Variants in SLC33A1 observed in about 807,000 individuals in gnomAD.
SLC33A1 encodes the protein acetyl-coenzyme A transporter 1.
A neutral mutation model predicts 50.0 loss-of-function variants in SLC33A1; 20 were observed. The ratio of observed to expected loss-of-function variants is 0.40; its 90% CI spans 0.28 to 0.58. The LOEUF is 0.58. Ranked by LOEUF, SLC33A1 falls within the 20% of genes least tolerant of loss-of-function variation. The pLI is 0.44. For synonymous variants in SLC33A1, 265 were observed against 251.8 expected (o/e 1.05, Z -0.50); for missense variants, 476 against 657.0 (o/e 0.72, Z 3.01).
chr3:155,824,716 C>A lies in SLC33A1; in HGVS notation c.*3494G>T, dbSNP rs1752164030. On this transcript the variant is annotated 3_prime_UTR_variant, in exon 6 of 6. Coordinates refer to ENST00000643144, the MANE Select transcript of SLC33A1 (RefSeq NM_004733.4). Reference sequence around the variant, plus strand: ...ACTTTCAAAACCATGATTTTTGGATCATGGCCCATCCAAGATTTTACTCTG... The same window carrying A: ...ACTTTCAAAACCATGATTTTTGGATAATGGCCCATCCAAGATTTTACTCTG... 6.6e-6 allele frequency: 1 copy of A among 151,912 alleles called. No individual in the cohort carries two copies. The allele number at this position is 151,912 out of a possible 1,614,324, so 9.4% of individuals were successfully genotyped here.
intron 2 of SLC33A1, among the ~76,000 whole-genome samples, chr3:155,838,101 C>T (rs1411556968): frequency 2.6e-5 from 4 of 151,786 alleles, no homozygotes; most frequent in African/African-American, 4.8e-5. Context: ...GTCGGGAGTT[C>T]GAGACTAGCC....
chr3:155,851,812 A>C (rs540661411), intron 1 of SLC33A1, among the ~76,000 whole-genome samples: 1 of 152,304 alleles, frequency 6.6e-6, no homozygotes, highest in South Asian at 2.1e-4. Flanking sequence ...CAAACAACTG[A>C]GGAAAAAGTA....
chr3:155,842,698 C>G (rs993486080), intron 1 of SLC33A1, 79 bp from the exon 2 acceptor site: 6 of 809,564 alleles, frequency 7.4e-6, no homozygotes, highest in Non-Finnish European at 1.1e-5. Context: ...TATACAATAA[C>G]TTTCAATTAA....
At chr3:155,847,257 C>T (rs922520126) in intron 1 of SLC33A1, among the ~76,000 whole-genome samples, 6 of 152,112 alleles carry the variant, frequency 3.9e-5, no homozygotes, top group Admixed American at 3.9e-4. Flanking sequence ...TGTAGGGTAA[C>T]ATTTTAAGCC....
chr3:155,840,042 T>TTC, intron 2 of SLC33A1, among the ~76,000 whole-genome samples: 1 of 151,790 alleles, frequency 6.6e-6, no homozygotes, highest in East Asian at 1.9e-4. Context: ...AAAAGGGAGT[T>TTC]TCAAAGGAAA....
chr3:155,841,894 C>T (rs865854927), intron 2 of SLC33A1, among the ~76,000 whole-genome samples: 3 of 151,972 alleles, frequency 2.0e-5, no homozygotes, highest in Non-Finnish European at 4.4e-5. Context: ...ACTAAAGGCA[C>T]GTGCCACCAT....
Position 155,832,773 on chromosome 3 carries a change from AC to A in SLC33A1, c.1266+694del, listed in dbSNP as rs975506623. On this transcript the variant is annotated intron_variant, in intron 4 of 5. Transcript: ENST00000643144. The stretch of plus-strand genomic sequence containing the variant: ...AGCAGAAGCTAAGCCAGAAACTAAG[AC>A]CAATACTATTTCTCAATACTTTCAG... Among the ~76,000 whole-genome samples the A allele has an allele frequency of 2.1e-4, 32 of 151,314 alleles. 1 individual carries two copies. In the South Asian group the frequency reaches 4.6e-3, roughly 22 times the overall value.
chr3:155,853,266 A>G lies in SLC33A1; in HGVS notation c.732T>C (p.Tyr244=). The change falls in exon 1 of 6, where the codon TAT becomes TAC. Residue 244 remains tyrosine (Y), a synonymous_variant. Transcript: ENST00000643144. ...CTCTGGGTTGAGGCTGAAACCGCAA[A>G]TATTTGTTACAAAAGTCGGCAGATT... is the stretch of plus-strand genomic sequence containing the variant. ...ALESADFCNK[Y]LRFQPQPRGI... 1 of 1,614,056 alleles carries G rather than the reference A, an allele frequency of 6.2e-7. No individual in the cohort carries two copies. The highest frequency in any genetic ancestry group is 1.1e-5 in the South Asian group (1 of 91,086).
In SLC33A1 at chr3:155,833,511, A is replaced by G. The variant is rs749286995; in HGVS notation, c.1223T>C (p.Ile408Thr). Reference protein sequence around the residue: ...PKVEHQGGFPIYYYIVVLLSY... With the variant: ...PKVEHQGGFPTYYYIVVLLSY... Reference sequence around the variant, plus strand: ...CAGCAGGACTACGATATAGTAATATATAGGGAATCCCCCTTGATGTTCTAC... The same window carrying G: ...CAGCAGGACTACGATATAGTAATATGTAGGGAATCCCCCTTGATGTTCTAC... Residue 408 changes from isoleucine (I) to threonine (T), a missense_variant, in exon 4 of 6, where the codon ATA (isoleucine) becomes ACA (threonine). Physicochemically the swap from Ile to Thr is moderately conservative, Grantham distance 89. Transcript: ENST00000643144. The G allele has an allele frequency of 5.0e-6, 8 of 1,601,074 alleles. No homozygotes were observed. The Admixed American group carries it at 1.3e-4, about 27-fold the overall frequency.
chr3:155,829,522 T>C (rs1377577798), intron 5 of SLC33A1, among the ~76,000 whole-genome samples, 166 bp downstream of exon 5: 1 of 152,186 alleles, frequency 6.6e-6, no homozygotes, highest in Non-Finnish European at 1.5e-5. Flanking sequence ...TTTGAATGAT[T>C]ATAACCCTCA....
intron 2 of SLC33A1, among the ~76,000 whole-genome samples, chr3:155,836,319 GAAAGAAAA>G (rs1209425616): frequency 8.0e-5 from 6 of 75,450 alleles, no homozygotes; most frequent in African/African-American, 2.9e-4. Context: ...AAAAAGGAAA[GAAAGAAAA>G]AAAGAAAGAA....
At chr3:155,848,668 T>C (rs1011832978) in intron 1 of SLC33A1, among the ~76,000 whole-genome samples, 1 of 151,950 alleles carries the variant, frequency 6.6e-6, no homozygotes, top group African/African-American at 2.4e-5. Context: ...GGCAACAAAG[T>C]GAGACTCTGT....
Position 155,853,211 on chromosome 3 carries a change from T to C in SLC33A1, c.775+12A>G, listed in dbSNP as rs189474082. On this transcript the variant is annotated intron_variant, in intron 1 of 5. Transcript: ENST00000643144. ...AAATAAACCTAACACCATAATAGCT[T>C]AAATACACTACCTGAAAGAGTAACG... The C allele has an allele frequency of 6.2e-7, 1 of 1,608,452 alleles. No homozygotes were observed. Among genetic ancestry groups the C allele is most frequent in the African/African-American group, 1.3e-5 (1 of 74,902 alleles).
chr3:155,839,841 G>A (rs560227872), intron 2 of SLC33A1, among the ~76,000 whole-genome samples: 2 of 151,268 alleles, frequency 1.3e-5, no homozygotes, highest in South Asian at 2.1e-4. Flanking sequence ...CCAGCTACTC[G>A]GGAGGCTGAG....
At chr3:155,844,501 C>T (rs1391947920) in intron 1 of SLC33A1, among the ~76,000 whole-genome samples, 2 of 107,702 alleles carry the variant, frequency 1.9e-5, no homozygotes, top group South Asian at 6.9e-4. Context: ...CGGAGTCTCA[C>T]TCTTGTCAGG....
intron 2 of SLC33A1, among the ~76,000 whole-genome samples, chr3:155,835,235 T>C (rs1381334884): frequency 6.6e-6 from 1 of 152,094 alleles, no homozygotes; most frequent in African/African-American, 2.4e-5. Context: ...ATCTACAGAA[T>C]AAGGAAAGTG....
At chr3:155,848,182 T>C (rs1753256443) in intron 1 of SLC33A1, among the ~76,000 whole-genome samples, 1 of 152,128 alleles carries the variant, frequency 6.6e-6, no homozygotes, top group Non-Finnish European at 1.5e-5. Context: ...TGCAGTGCAG[T>C]GGTTATTCAC....
Position 155,822,088 on chromosome 3 carries a change from C to T in SLC33A1, c.*6122G>A, listed in dbSNP as rs1752101848. On this transcript the variant is annotated 3_prime_UTR_variant, in exon 6 of 6. Transcript: ENST00000643144. ...ACACCTGGTTCAAATATGCCACTTT[C>T]TTAAATATCAAATTTTTTTCCAATC... The T allele has an allele frequency of 6.6e-6, 1 of 152,058 alleles. No homozygotes were observed. Among genetic ancestry groups the T allele is most frequent in the Admixed American group, 6.6e-5 (1 of 15,242 alleles). The allele number at this position is 152,058 out of a possible 1,614,324, so 9.4% of individuals were successfully genotyped here.
intron 4 of SLC33A1, among the ~76,000 whole-genome samples, chr3:155,832,803 G>A (rs984023334): frequency 1.0e-4 from 15 of 144,842 alleles, no homozygotes; most frequent in Non-Finnish European, 1.8e-4. Context: ...CTTTCAGAAA[G>A]AAAAGATATT....
Sources: gnomAD v4.1 joint callset for allele counts (sites outside exome capture counted in the v4.1 genomes callset) on GRCh38, gnomAD v4.1.1 for gene constraint, MANE v1.5 for transcripts, NCBI Gene and HGNC (gene_info 2026-07-23, HGNC 2026-07-21) for gene names.